The following RAB40C variants were observed in gnomAD, a reference collection of about 807,000 sequenced individuals.
RAB40C encodes the protein RAB40C, member RAS oncogene family.
Under a neutral mutation model 28.1 loss-of-function variants are expected in RAB40C, and 8 were observed. The ratio of observed to expected loss-of-function variants is 0.28; its 90% CI spans 0.17 to 0.51. The LOEUF (loss-of-function observed/expected upper bound fraction) is 0.51. RAB40C is among the 20% of genes least tolerant of loss of function. The pLI is 0.97. For missense variants in RAB40C, 288 were observed against 405.9 expected, an observed-to-expected ratio of 0.71 and a Z score of 2.50; for synonymous variants, 201 against 171.7, an observed-to-expected ratio of 1.17 and a Z score of -1.34.
intron 1 of RAB40C, among the ~76,000 whole-genome samples, chr16:594,975 A>G (rs1259875344): frequency 2.6e-5 from 4 of 152,082 alleles, no homozygotes; most frequent in African/African-American, 9.6e-5. Flanking sequence ...GCCTGCCACC[A>G]TGCGTGGCTA....
intron 5 of RAB40C, 135 bp downstream of exon 5, chr16:626,256 C>A: frequency 1.2e-6 from 1 of 853,930 alleles, no homozygotes; most frequent in Admixed American, 2.3e-5. Context: ...AGGGGCTCGG[C>A]CGGCGGCAGG....
chr16:593,278 A>G (rs1351553916), intron 1 of RAB40C, among the ~76,000 whole-genome samples: 4 of 152,254 alleles, frequency 2.6e-5, no homozygotes, highest in Non-Finnish European at 5.9e-5. Context: ...AGGGTCTCAG[A>G]AGCTCAGGAG....
chr16:614,667 T>G (rs1314394399), intron 1 of RAB40C, among the ~76,000 whole-genome samples: 1 of 130,094 alleles, frequency 7.7e-6, no homozygotes, highest in African/African-American at 3.0e-5. Context: ...CTGCCAAACT[T>G]TACCTCGTCC....
At chr16:594,266 T>C (rs184722105) in intron 1 of RAB40C, among the ~76,000 whole-genome samples, 2 of 152,270 alleles carry the variant, frequency 1.3e-5, no homozygotes, top group African/African-American at 4.8e-5. Context: ...CTCTCTCTGC[T>C]CTTTTGGGGT....
chr16:621,905 C>T (rs1445458766), intron 3 of RAB40C, among the ~76,000 whole-genome samples: 6 of 152,144 alleles, frequency 3.9e-5, no homozygotes, highest in Non-Finnish European at 5.9e-5. Context: ...GCTGGCTTGT[C>T]GGCACACAGG....
intron 1 of RAB40C, among the ~76,000 whole-genome samples, chr16:598,466 C>T (rs1420695538): frequency 6.8e-6 from 1 of 146,700 alleles, no homozygotes; most frequent in African/African-American, 2.5e-5. Flanking sequence ...GAGGCTGAGG[C>T]AGGAGAATTG....
intron 1 of RAB40C, among the ~76,000 whole-genome samples, chr16:600,991 G>A (rs1346855229): frequency 2.0e-5 from 3 of 152,188 alleles, no homozygotes; most frequent in Non-Finnish European, 4.4e-5. Context: ...GGCACCCCAG[G>A]AGCAGCCTGC....
intron 1 of RAB40C, among the ~76,000 whole-genome samples, chr16:608,915 G>T (rs944463684): frequency 6.6e-6 from 1 of 152,142 alleles, no homozygotes; most frequent in Non-Finnish European, 1.5e-5. Context: ...AGGAGCTCAA[G>T]ACCAGCCTGG....
Position 590,143 on chromosome 16 carries a change from G to GGGGCC in RAB40C, c.-146_-142dup, listed in dbSNP as rs1403199616. ...AGGTGCGCCCGGGCGCGGGCGGGGC[G>GGGGCC]GGGCCGGCGCTGGGCTTCGGGCGCG... On this transcript the variant is annotated 5_prime_UTR_variant, in exon 1 of 6. Coordinates refer to ENST00000248139, the MANE Select transcript of RAB40C (RefSeq NM_021168.5). 4 of 354,062 alleles carry GGGGCC rather than the reference G, an allele frequency of 1.1e-5. No homozygotes were observed. The highest frequency in any genetic ancestry group is 1.7e-4 in the East Asian group (1 of 5,928). 21.9% of individuals were successfully genotyped at this position (354,062 alleles called of 1,614,324 possible).
chr16:598,900 A>C (rs2036190169), intron 1 of RAB40C, among the ~76,000 whole-genome samples: 1 of 152,238 alleles, frequency 6.6e-6, no homozygotes, highest in South Asian at 2.1e-4. Flanking sequence ...ACTCTCCAGC[A>C]GCTCCAGCAG....
intron 1 of RAB40C, among the ~76,000 whole-genome samples, chr16:616,486 C>T (rs574432357): frequency 5.9e-5 from 9 of 151,858 alleles, no homozygotes; most frequent in Admixed American, 2.6e-4. Flanking sequence ...TTAAAGGTGC[C>T]CACCACCACA....
intron 3 of RAB40C, among the ~76,000 whole-genome samples, chr16:619,423 C>T (rs1280584790): frequency 1.3e-5 from 2 of 152,176 alleles, no homozygotes; most frequent in Non-Finnish European, 2.9e-5. Context: ...TGGCCACCCT[C>T]GTTTCTGTCT....
At chr16:607,673 C>T (rs2036390917) in intron 1 of RAB40C, among the ~76,000 whole-genome samples, 1 of 151,974 alleles carries the variant, frequency 6.6e-6, no homozygotes, top group Non-Finnish European at 1.5e-5. Context: ...CGCCTGTAGT[C>T]CCAGCTACTC....
At chr16:625,025 G>GC (rs2036797780) in intron 3 of RAB40C, 1 of 1,291,598 alleles carries the variant, frequency 7.7e-7, no homozygotes, top group Non-Finnish European at 1.0e-6. Context: ...ACTCAGAAAT[G>GC]CCCCCACTCA....
chr16:609,174 G>A (rs1254858803), intron 1 of RAB40C, among the ~76,000 whole-genome samples: 1 of 152,194 alleles, frequency 6.6e-6, no homozygotes, highest in Non-Finnish European at 1.5e-5. Flanking sequence ...TTTGGGAACA[G>A]CGGTGCTGCC....
chr16:619,057 G>T (rs2036655144), intron 3 of RAB40C, among the ~76,000 whole-genome samples: 1 of 135,842 alleles, frequency 7.4e-6, no homozygotes, highest in African/African-American at 2.9e-5. Context: ...GTGTGCACAG[G>T]TGTAGTGGGT....
At chr16:619,361 G>T (rs1465383248) in intron 3 of RAB40C, among the ~76,000 whole-genome samples, 1 of 152,054 alleles carries the variant, frequency 6.6e-6, no homozygotes, top group Non-Finnish European at 1.5e-5. Flanking sequence ...CAGGTCTGGC[G>T]GGGGCACTGG....
intron 1 of RAB40C, among the ~76,000 whole-genome samples, chr16:591,108 C>A (rs2035986599): frequency 7.0e-6 from 1 of 143,530 alleles, no homozygotes; most frequent in Admixed American, 6.9e-5. Context: ...GGTCTGGGAT[C>A]ATCTGGGGTC....
intron 1 of RAB40C, among the ~76,000 whole-genome samples, chr16:615,818 C>T (rs377619244): frequency 5.3e-5 from 8 of 151,984 alleles, no homozygotes; most frequent in East Asian, 1.9e-4. Context: ...AAAAATTAGC[C>T]GGCTGTGGTG....
Sources: gnomAD v4.1 joint callset for allele counts (sites outside exome capture counted in the v4.1 genomes callset) on GRCh38, gnomAD v4.1.1 for gene constraint, MANE v1.5 for transcripts, NCBI Gene and HGNC (gene_info 2026-07-23, HGNC 2026-07-21) for gene names.